The following KATNIP variants were observed in gnomAD, a reference collection of about 807,000 sequenced individuals.
The protein encoded by KATNIP is katanin interacting protein, also known as katanin-interacting protein.
A neutral mutation model predicts 174.0 loss-of-function variants in KATNIP; 126 were observed. The observed-to-expected ratio is 0.72, with a 90% CI of 0.63 to 0.84. The LOEUF is 0.84. KATNIP is among the 40% of genes least tolerant of loss of function. KATNIP has a pLI of 0.00. For missense variants in KATNIP, 1,958 were observed against 2,109.7 expected (o/e 0.93, Z 1.41); for synonymous variants, 810 against 835.7 (o/e 0.97, Z 0.53).
At position 27,608,994 on chromosome 16, in the gene KATNIP, A is replaced by G. The variant is rs139296835; in HGVS notation, c.64-9431A>G. On this transcript the variant is annotated intron_variant, in intron 2 of 27. Transcript: ENST00000261588. The stretch of plus-strand genomic sequence containing the variant: ...TTTTCAGGCATCCTCTGGCCCGTCC[A>G]TGAACATTTCATGTTTCTTCACACC... 8.9e-4 allele frequency among the ~76,000 whole-genome samples: 136 copies of G among 152,254 alleles called. 1 individual carries two copies. The highest frequency in any genetic ancestry group is 1.5e-3 in the Non-Finnish European group (99 of 68,028).
chr16:27,663,610 G>A (rs565006059), intron 6 of KATNIP, among the ~76,000 whole-genome samples: 104 of 151,094 alleles, frequency 6.9e-4, no homozygotes, highest in Non-Finnish European at 9.0e-4. Context: ...CACCACACCC[G>A]GCTAATTTTT....
chr16:27,672,136 A>G (rs2077935530), intron 6 of KATNIP, among the ~76,000 whole-genome samples: 1 of 152,146 alleles, frequency 6.6e-6, no homozygotes, highest in Non-Finnish European at 1.5e-5. Context: ...GCAGCTTCTC[A>G]TAGGGCATAG....
chr16:27,697,814 G>A (rs2078967259), intron 8 of KATNIP, among the ~76,000 whole-genome samples: 2 of 151,954 alleles, frequency 1.3e-5, no homozygotes, highest in Non-Finnish European at 1.5e-5. Context: ...ATGTGTGTGT[G>A]CATGTATGTG....
At chr16:27,730,139 GAC>G (rs939012026) in intron 14 of KATNIP, among the ~76,000 whole-genome samples, 17 of 152,250 alleles carry the variant, frequency 1.1e-4, no homozygotes, top group Non-Finnish European at 2.4e-4. Context: ...GAGCAGCCAT[GAC>G]TCACAGCTGT....
At position 27,628,793 on chromosome 16, in the gene KATNIP, CTT is replaced by C. The variant is rs1254671898; in HGVS notation, c.274_275del (p.Phe92LeufsTer23). On this transcript the variant is annotated frameshift_variant, in exon 4 of 28. Transcript: ENST00000261588. LOFTEE classifies it high-confidence loss of function. ...SSPRKAIHSD[F>X]SRSASHTEGT... ...CACCGCGGAAAGCTATTCACTCTGA[CTT>C]CTCCAGAAGTGCCTCCCACACGGAG... 1.2e-6 allele frequency: 2 copies of C among 1,614,226 alleles called. No individual in the cohort carries two copies. Among genetic ancestry groups the C allele is most frequent in the South Asian group, 2.2e-5 (2 of 91,088 alleles).
chr16:27,750,065 C>T lies in KATNIP; in HGVS notation c.3105C>T (p.Ile1035=), dbSNP rs79306955. The T allele has an allele frequency of 3.1e-5, 50 of 1,614,176 alleles. No individual in the cohort carries two copies. The East Asian group carries it at 1.0e-3, about 33-fold the overall frequency. Residue 1035 remains isoleucine (I), a synonymous_variant, in exon 16 of 28, where the codon ATC becomes ATT. Transcript: ENST00000261588. The part of the protein sequence containing the change: ...GKDPRVVTNL[I]DGVNRTQDDM... ...ACCCCCGCGTGGTCACCAACCTCAT[C>T]GACGGGGTGAACAGGACCCAGGATG...
intron 15 of KATNIP, among the ~76,000 whole-genome samples, chr16:27,747,702 T>G (rs947087528): frequency 7.8e-6 from 1 of 128,098 alleles, no homozygotes; most frequent in Non-Finnish European, 1.6e-5. Context: ...GGAGTTTGAG[T>G]GAGCAAAACA....
At chr16:27,731,349 G>A (rs991848644) in intron 14 of KATNIP, among the ~76,000 whole-genome samples, 2 of 152,204 alleles carry the variant, frequency 1.3e-5, no homozygotes, top group Non-Finnish European at 2.9e-5. Flanking sequence ...AGCCAGCCTC[G>A]ACGGGTCTAT....
At chr16:27,560,874 G>A (rs2089853720) in intron 1 of KATNIP, among the ~76,000 whole-genome samples, 1 of 152,186 alleles carries the variant, frequency 6.6e-6, no homozygotes, top group South Asian at 2.1e-4. Context: ...GGTTGACACT[G>A]TAACCAGGAA....
At chr16:27,681,775 G>T (rs1466618205) in intron 8 of KATNIP, among the ~76,000 whole-genome samples, 2 of 152,232 alleles carry the variant, frequency 1.3e-5, no homozygotes, top group African/African-American at 2.4e-5. Flanking sequence ...CGCTGTGCAG[G>T]AAGAGCCTAT....
rs145624675 is a variant in KATNIP at position 27,760,647 on chromosome 16, A to G, written c.3632-766A>G. Among the ~76,000 whole-genome samples, 361 of 152,340 alleles carry G rather than the reference A, an allele frequency of 2.4e-3. 3 individuals carry two copies. The highest frequency in any genetic ancestry group is 7.7e-3 in the African/African-American group (319 of 41,578). On this transcript the variant is annotated intron_variant, in intron 18 of 27. Transcript: ENST00000261588. ...ATGTAGTTGCTGGTTTAATCATTCCATCTGTACTGAGCTCCTACTGTGTGC... is the reference window on the plus strand; with the variant it reads ...ATGTAGTTGCTGGTTTAATCATTCCGTCTGTACTGAGCTCCTACTGTGTGC...
At chr16:27,701,112 G>A (rs2079083051) in intron 10 of KATNIP, among the ~76,000 whole-genome samples, 1 of 152,134 alleles carries the variant, frequency 6.6e-6, no homozygotes, top group Non-Finnish European at 1.5e-5. Context: ...TGCTTACTTT[G>A]TACAAAGCAG....
intron 2 of KATNIP, among the ~76,000 whole-genome samples, chr16:27,595,782 C>T (rs2075315767): frequency 6.6e-6 from 1 of 152,066 alleles, no homozygotes. Flanking sequence ...GGGCTGGGGA[C>T]AACGGAGGAG....
chr16:27,750,869 A>G (rs1431847698), intron 16 of KATNIP, among the ~76,000 whole-genome samples: 1 of 149,862 alleles, frequency 6.7e-6, no homozygotes, highest in Non-Finnish European at 1.5e-5. Context: ...AGCTGGGACT[A>G]CAGGTGCACC....
At chr16:27,755,954 G>A (rs76704797) in intron 18 of KATNIP, among the ~76,000 whole-genome samples, 1 of 152,180 alleles carries the variant, frequency 6.6e-6, no homozygotes, top group Admixed American at 6.5e-5. Flanking sequence ...TTTGCAAGGA[G>A]ACTCTCTTCA....
chr16:27,578,395 C>T (rs929363870), intron 2 of KATNIP, among the ~76,000 whole-genome samples: 1 of 152,098 alleles, frequency 6.6e-6, no homozygotes, highest in African/African-American at 2.4e-5. Context: ...GTACCCTGTG[C>T]CTGGCCTCTC....
intron 17 of KATNIP, 92 bp downstream of exon 17, chr16:27,752,016 C>T: frequency 1.0e-6 from 1 of 976,616 alleles, no homozygotes; most frequent in Non-Finnish European, 1.4e-6. Flanking sequence ...GATGGATATC[C>T]TTTAAGCTGC....
At chr16:27,734,468 G>A (rs1195692590) in intron 14 of KATNIP, among the ~76,000 whole-genome samples, 2 of 151,718 alleles carry the variant, frequency 1.3e-5, no homozygotes, top group African/African-American at 2.4e-5. Flanking sequence ...GGAGGGCGAG[G>A]TGGACGGATC....
rs143811899 is a variant in KATNIP at position 27,695,194 on chromosome 16, C to T, written c.941-3134C>T. Among the ~76,000 whole-genome samples the T allele has an allele frequency of 6.8e-3, 1,029 of 152,338 alleles. 11 individuals carry two copies. Among genetic ancestry groups the T allele is most frequent in the Non-Finnish European group, 0.012 (790 of 68,022 alleles). ...GACAACTAGTAGCCCCTGGCCATCT[C>T]CCTGCTTTCACCTCCTTTCAGTCTC... On this transcript the variant is annotated intron_variant, in intron 8 of 27. Coordinates refer to ENST00000261588, the MANE Select transcript of KATNIP (RefSeq NM_015202.5).
Sources: gnomAD v4.1 joint callset for allele counts (sites outside exome capture counted in the v4.1 genomes callset) on GRCh38, gnomAD v4.1.1 for gene constraint, MANE v1.5 for transcripts, NCBI Gene and HGNC (gene_info 2026-07-23, HGNC 2026-07-21) for gene names.